The following PDE4D variants were observed in gnomAD, a reference collection of about 807,000 sequenced individuals.
The protein encoded by PDE4D is 3',5'-cyclic-AMP phosphodiesterase 4D.
Under a neutral mutation model 87.4 loss-of-function variants are expected in PDE4D, and 24 were observed. The ratio of observed to expected loss-of-function variants is 0.27; its 90% confidence interval spans 0.20 to 0.39. The LOEUF is 0.39. Among genes scored for constraint, PDE4D ranks in the 10% least tolerant of loss-of-function variants. The pLI, the probability that PDE4D is intolerant of heterozygous loss-of-function variation, is 1.00. For missense variants in PDE4D, 714 were observed against 1,041.0 expected, an observed-to-expected ratio of 0.69 and a Z score of 4.32; for synonymous variants, 384 against 383.2, an observed-to-expected ratio of 1.00 and a Z score of -0.02.
At chr5:59,728,330 G>A (rs1756900765) in intron 1 of PDE4D, among the ~76,000 whole-genome samples, 1 of 152,050 alleles carries the variant, frequency 6.6e-6, no homozygotes. Flanking sequence ...TTTCAATTCA[G>A]CCCTCCAATG....
At chr5:59,901,085 A>T (rs1752208747) in intron 3 of PDE4D, among the ~76,000 whole-genome samples, 1 of 152,228 alleles carries the variant, frequency 6.6e-6, no homozygotes, top group African/African-American at 2.4e-5. Context: ...GAATTGTAGC[A>T]GCAACTATTT....
intron 6 of PDE4D, among the ~76,000 whole-genome samples, chr5:59,020,274 A>G (rs1754863745): frequency 6.6e-6 from 1 of 152,152 alleles, no homozygotes; most frequent in African/African-American, 2.4e-5. Context: ...CAGGAGTTTG[A>G]GACCAGCCTG....
At chr5:60,491,478 G>A (rs1305308740), upstream of PDE4D, 1 of 152,060 alleles carries the variant, frequency 6.6e-6, no homozygotes, top group East Asian at 1.9e-4. Context: ...TAATGCATGT[G>A]ACAAAATTCT....
At position 59,553,707 on chromosome 5, in the gene PDE4D, T is replaced by G. The variant is rs772906228; in HGVS notation, c.456-337739A>C. ...TTGGTGAGATTTTTCAAGCAGATAT[T>G]TAAATTATTGTATGCCACTGAGAAA... On this transcript the variant is annotated intron_variant, in intron 1 of 14. Transcript: ENST00000340635. 1.6e-4 allele frequency among the ~76,000 whole-genome samples: 25 copies of G among 152,152 alleles called. 1 individual carries two copies. Among genetic ancestry groups the G allele is most frequent in the Admixed American group, 1.5e-3 (23 of 15,266 alleles).
chr5:59,298,897 A>G (rs2153559222), intron 1 of PDE4D, among the ~76,000 whole-genome samples: 1 of 152,336 alleles, frequency 6.6e-6, no homozygotes, highest in African/African-American at 2.4e-5. Context: ...ACTTTTTAAT[A>G]TCATCTTTGA....
At chr5:60,395,285 T>C (rs1762813478) in intron 1 of PDE4D, among the ~76,000 whole-genome samples, 1 of 146,976 alleles carries the variant, frequency 6.8e-6, no homozygotes, top group South Asian at 2.3e-4. Flanking sequence ...TATTCTGAGG[T>C]CTTTTTAAAA....
chr5:59,053,734 T>C (rs1260430018), intron 5 of PDE4D, among the ~76,000 whole-genome samples: 2 of 143,576 alleles, frequency 1.4e-5, no homozygotes, highest in Non-Finnish European at 1.5e-5. Context: ...GGTGGGCAGA[T>C]GACTTGAGGC....
chr5:60,393,231 C>T (rs1162545306), intron 1 of PDE4D, among the ~76,000 whole-genome samples: 3 of 152,144 alleles, frequency 2.0e-5, no homozygotes, highest in Non-Finnish European at 2.9e-5. Flanking sequence ...GTGGATGTGT[C>T]ACACATCGGA....
At chr5:59,650,974 G>C (rs1023987987) in intron 1 of PDE4D, among the ~76,000 whole-genome samples, 2 of 152,036 alleles carry the variant, frequency 1.3e-5, no homozygotes, top group Admixed American at 1.3e-4. Context: ...AATAATTGTT[G>C]GCCGGGCGCG....
At chr5:60,119,974 T>G (rs887662841) in intron 2 of PDE4D, among the ~76,000 whole-genome samples, 18 of 152,086 alleles carry the variant, frequency 1.2e-4, no homozygotes, top group African/African-American at 4.1e-4. Flanking sequence ...TATGAGAAAC[T>G]TCAGGATAGA....
intron 5 of PDE4D, among the ~76,000 whole-genome samples, chr5:59,090,807 CTTTTTTTT>C (rs61610340): frequency 6.6e-5 from 7 of 106,034 alleles, no homozygotes; most frequent in South Asian, 3.2e-4. Flanking sequence ...TTTTCTTTTT[CTTTTTTTT>C]TTTTTTTTTT....
rs78809453 is a variant in PDE4D, at chr5:60,204,581, T to C, written c.-89-18894A>G. Among the ~76,000 whole-genome samples, 1,335 of 152,348 alleles carry C rather than the reference T, an allele frequency of 8.8e-3. 15 individuals carry two copies. The highest frequency in any genetic ancestry group is 0.017 in the Middle Eastern group (5 of 294). ...CATTTCCCGCATTCTACATATGATATAGCAAATCTAAGATAATCACATGAT... is the reference window on the plus strand; with the variant it reads ...CATTTCCCGCATTCTACATATGATACAGCAAATCTAAGATAATCACATGAT... On this transcript the variant is annotated intron_variant, in intron 1 of 16. Transcript: ENST00000502484.
chr5:60,517,543 A>T (rs1750855333), intron 1 of PDE4D, among the ~76,000 whole-genome samples: 1 of 152,204 alleles, frequency 6.6e-6, no homozygotes, highest in Admixed American at 6.5e-5. Context: ...AGAGGTTGGA[A>T]CAACTGGCCT....
chr5:60,415,869 T>C lies in PDE4D; in HGVS notation c.-90+72073A>G, dbSNP rs536909567. On this transcript the variant is annotated intron_variant, in intron 1 of 16. Coordinates refer to the PDE4D transcript ENST00000502484. Reference sequence around the variant, plus strand: ...GTGCGGGACCCACTGGGTGAAGCCATCTGGGCTCCTGAGTCTGGTGGGGAC... The same window carrying C: ...GTGCGGGACCCACTGGGTGAAGCCACCTGGGCTCCTGAGTCTGGTGGGGAC... Among the ~76,000 whole-genome samples the C allele has an allele frequency of 1.1e-3, 163 of 152,346 alleles. 1 individual carries two copies. The highest frequency in any genetic ancestry group is 1.8e-3 in the Non-Finnish European group (125 of 68,030).
At chr5:59,956,324 C>A (rs368899100) in intron 3 of PDE4D, among the ~76,000 whole-genome samples, 1 of 152,332 alleles carries the variant, frequency 6.6e-6, no homozygotes, top group African/African-American at 2.4e-5. Flanking sequence ...GGAACTCAGA[C>A]TCTCTGGCTG....
At chr5:60,054,792 T>C (rs1278430000) in intron 2 of PDE4D, among the ~76,000 whole-genome samples, 1 of 152,150 alleles carries the variant, frequency 6.6e-6, no homozygotes, top group Admixed American at 6.6e-5. Flanking sequence ...TGATGTTGTC[T>C]TTCCTAGGTA....
chr5:59,890,995 A>G (rs1314811623), intron 1 of PDE4D, among the ~76,000 whole-genome samples: 1 of 152,240 alleles, frequency 6.6e-6, no homozygotes, highest in Non-Finnish European at 1.5e-5. Context: ...TTAAGGAAAA[A>G]CATGACATGC....
chr5:59,175,788 T>G (rs1195452622), intron 5 of PDE4D, among the ~76,000 whole-genome samples: 1 of 85,262 alleles, frequency 1.2e-5, no homozygotes, highest in African/African-American at 5.1e-5. Context: ...TCCATTTTTT[T>G]TTTTTTTTTT....
intron 6 of PDE4D, among the ~76,000 whole-genome samples, chr5:59,037,024 G>A (rs1005348036): frequency 4.6e-5 from 7 of 151,846 alleles, no homozygotes; most frequent in African/African-American, 1.7e-4. Context: ...TTAAATCCCT[G>A]TCTTATCTGG....
Sources: allele counts gnomAD v4.1 joint callset (sites outside exome capture counted in the v4.1 genomes callset), GRCh38; gene constraint gnomAD v4.1.1; transcripts MANE v1.5; gene names NCBI Gene and HGNC (gene_info 2026-07-23, HGNC 2026-07-21).